CTNND2: variants seen among roughly 807,000 people sequenced by gnomAD.
CTNND2 encodes catenin delta 2.
In CTNND2, 22 loss-of-function variants were observed where a neutral mutation model predicts 144.4. That is an observed-to-expected ratio of 0.15 (90% CI 0.11 to 0.22). CTNND2 has a LOEUF of 0.22. Among genes scored for constraint, CTNND2 ranks in the 10% least tolerant of loss-of-function variants. The pLI, the probability that CTNND2 is intolerant of heterozygous loss-of-function variation, is 1.00. For synonymous variants in CTNND2, 751 were observed against 695.6 expected, an observed-to-expected ratio of 1.08 and a Z score of -1.25; for missense variants, 1,353 against 1,618.8, an observed-to-expected ratio of 0.84 and a Z score of 2.82.
intron 15 of CTNND2, among the ~76,000 whole-genome samples, chr5:11,090,489 T>C (rs1032544476): frequency 6.6e-6 from 1 of 152,192 alleles, no homozygotes; most frequent in Non-Finnish European, 1.5e-5. Flanking sequence ...ACCGCCTGAG[T>C]TCTGCCTCCT....
chr5:11,761,927 A>C (rs2126806642), intron 1 of CTNND2, among the ~76,000 whole-genome samples: 1 of 152,322 alleles, frequency 6.6e-6, no homozygotes, highest in East Asian at 1.9e-4. Context: ...AATTAGAAAA[A>C]AATGTGGAAA....
intron 1 of CTNND2, among the ~76,000 whole-genome samples, chr5:11,748,185 A>AAAATAACAAAT (rs6148910): frequency 6.6e-6 from 1 of 151,986 alleles, no homozygotes; most frequent in Admixed American, 6.6e-5. Context: ...TGCTGACCTT[A>AAAATAACAAAT]AGAAAACAAA....
intron 8 of CTNND2, among the ~76,000 whole-genome samples, chr5:11,356,929 A>T (rs1755947026): frequency 6.6e-6 from 1 of 152,090 alleles, no homozygotes; most frequent in Admixed American, 6.6e-5. Context: ...TATAAAAAAA[A>T]TGCTAAACAT....
At chr5:11,361,555 C>T (rs60245951) in intron 8 of CTNND2, among the ~76,000 whole-genome samples, 3,235 of 152,220 alleles carry the variant, frequency 0.021, 111 homozygotes, top group African/African-American at 0.072. Flanking sequence ...AAGCAAGCAC[C>T]GAGCATCATA....
Position 11,647,801 on chromosome 5 carries a change from G to A in CTNND2, c.175-82745C>T, listed in dbSNP as rs565252196. On this transcript the variant is annotated intron_variant, in intron 2 of 21. Transcript: ENST00000304623. Reference sequence around the variant, plus strand: ...TCCCATCACTAACTGCTTTCCTAACGATACCTCCACATCCAGCCATGATCT... The same window carrying A: ...TCCCATCACTAACTGCTTTCCTAACAATACCTCCACATCCAGCCATGATCT... Among the ~76,000 whole-genome samples the A allele has an allele frequency of 1.6e-4, 24 of 152,140 alleles. No homozygotes were observed. The East Asian group carries it at 4.1e-3, about 26-fold the overall frequency.
At chr5:11,260,439 A>C (rs1744744483) in intron 9 of CTNND2, among the ~76,000 whole-genome samples, 1 of 152,246 alleles carries the variant, frequency 6.6e-6, no homozygotes, top group Non-Finnish European at 1.5e-5. Context: ...AATGAAAAAA[A>C]ACCAGTAAAA....
At chr5:11,846,031 A>G (rs1794719463) in intron 1 of CTNND2, among the ~76,000 whole-genome samples, 1 of 152,208 alleles carries the variant, frequency 6.6e-6, no homozygotes, top group African/African-American at 2.4e-5. Context: ...AATGATTTCT[A>G]AATGAATGAA....
intron 8 of CTNND2, 55 bp downstream of exon 8, chr5:11,364,641 C>T (rs769069599): frequency 1.9e-5 from 28 of 1,449,470 alleles, no homozygotes; most frequent in East Asian, 9.8e-5. Context: ...TTGAAGCTCC[C>T]GCGCAGAGCC....
chr5:11,886,779 A>G (rs1472014795), intron 1 of CTNND2, among the ~76,000 whole-genome samples: 1 of 152,060 alleles, frequency 6.6e-6, no homozygotes, highest in Non-Finnish European at 1.5e-5. Flanking sequence ...GTAATTACAC[A>G]TTTTTGGCCT....
rs566962424 is a variant in CTNND2 at position 11,744,177 on chromosome 5, C to G, written c.38-11905G>C. 2.0e-5 allele frequency among the ~76,000 whole-genome samples: 3 copies of G among 152,308 alleles called. No individual in the cohort carries two copies. The South Asian group carries it at 6.2e-4, about 32-fold the overall frequency. On this transcript the variant is annotated intron_variant, in intron 1 of 21. Coordinates refer to ENST00000304623, the MANE Select transcript of CTNND2 (RefSeq NM_001332.4). ...ATGATCTCAGCCAATTTTATCTAAT[C>G]TTAACAAGCATTACACTAACAACTT...
intron 16 of CTNND2, among the ~76,000 whole-genome samples, chr5:11,068,934 C>G (rs546870285): frequency 6.6e-6 from 1 of 152,010 alleles, no homozygotes; most frequent in Non-Finnish European, 1.5e-5. Flanking sequence ...AAAACAACAA[C>G]AAAAAAATAA....
chr5:11,582,958 C>T (rs1778557467), intron 2 of CTNND2, among the ~76,000 whole-genome samples: 1 of 152,186 alleles, frequency 6.6e-6, no homozygotes, highest in Non-Finnish European at 1.5e-5. Flanking sequence ...GTTAAATACA[C>T]TAAGAATTTT....
intron 1 of CTNND2, among the ~76,000 whole-genome samples, chr5:11,830,928 A>T (rs1463587709): frequency 6.6e-6 from 1 of 152,238 alleles, no homozygotes; most frequent in African/African-American, 2.4e-5. Context: ...AATTAAAATA[A>T]AACAATACCA....
chr5:11,778,762 T>C (rs1405004903), intron 1 of CTNND2, among the ~76,000 whole-genome samples: 1 of 152,194 alleles, frequency 6.6e-6, no homozygotes, highest in Non-Finnish European at 1.5e-5. Flanking sequence ...ATGAATGAAC[T>C]ACAGGCTACA....
chr5:11,461,679 G>C (rs1342543177), intron 3 of CTNND2, among the ~76,000 whole-genome samples: 1 of 152,066 alleles, frequency 6.6e-6, no homozygotes, highest in Non-Finnish European at 1.5e-5. Context: ...AGCTGGAATG[G>C]ATTTTAGGCA....
In CTNND2 at chr5:11,621,618, A is replaced by G. The variant is rs16901811; in HGVS notation, c.175-56562T>C. On this transcript the variant is annotated intron_variant, in intron 2 of 21. Coordinates refer to ENST00000304623, the MANE Select transcript of CTNND2 (RefSeq NM_001332.4). ...ATACATAACAAATACAATATGGTAC[A>G]GTTTATTTTATTTAGATGTTTATAG... is the stretch of plus-strand genomic sequence containing the variant. Among the ~76,000 whole-genome samples the G allele has an allele frequency of 1.4e-3, 211 of 152,352 alleles. 5 individuals are homozygous for G. The East Asian group carries it at 0.034, about 25-fold the overall frequency.
chr5:11,655,889 T>C (rs1444596335), intron 2 of CTNND2, among the ~76,000 whole-genome samples: 1 of 152,052 alleles, frequency 6.6e-6, no homozygotes, highest in Non-Finnish European at 1.5e-5. Flanking sequence ...TTTCTTTCAA[T>C]GATGACACAC....
At chr5:11,582,126 C>T (rs1209764324) in intron 2 of CTNND2, among the ~76,000 whole-genome samples, 1 of 152,118 alleles carries the variant, frequency 6.6e-6, no homozygotes, top group Non-Finnish European at 1.5e-5. Context: ...GTCTGCATTA[C>T]AGCTACAGTA....
At chr5:11,466,199 G>T (rs1766661176) in intron 3 of CTNND2, among the ~76,000 whole-genome samples, 2 of 152,190 alleles carry the variant, frequency 1.3e-5, no homozygotes, top group East Asian at 1.9e-4. Context: ...ACGGGGGCTT[G>T]CTATGTTGCC....
Sources: allele counts gnomAD v4.1 joint callset (sites outside exome capture counted in the v4.1 genomes callset), GRCh38; gene constraint gnomAD v4.1.1; transcripts MANE v1.5; gene names NCBI Gene and HGNC (gene_info 2026-07-23, HGNC 2026-07-21).